CFDP1: variants seen among roughly 807,000 people sequenced by gnomAD.
CFDP1 encodes heterochromatin-stabilizing protein CFDP1.
A neutral mutation model predicts 40.1 loss-of-function variants in CFDP1; 31 were observed. The observed-to-expected ratio is 0.77, with a 90% CI of 0.58 to 1.04. The LOEUF (loss-of-function observed/expected upper bound fraction) is 1.04. CFDP1 is among the 50% of genes least tolerant of loss of function. The probability of loss-of-function intolerance (pLI) is 0.00; values close to 1 mark genes in which losing one functional copy is unlikely to be tolerated. For missense variants in CFDP1, 423 were observed against 343.4 expected (o/e 1.23, Z -1.83); for synonymous variants, 167 against 120.0 (o/e 1.39, Z -2.56).
At chr16:75,403,341 C>A (rs1453536099) in intron 4 of CFDP1, among the ~76,000 whole-genome samples, 1 of 152,164 alleles carries the variant, frequency 6.6e-6, no homozygotes, top group Admixed American at 6.6e-5. Context: ...ACTTCAGCCT[C>A]CTGAGTAGCT....
intron 4 of CFDP1, among the ~76,000 whole-genome samples, chr16:75,409,920 C>A (rs1017887862): frequency 3.3e-5 from 5 of 151,712 alleles, no homozygotes; most frequent in African/African-American, 7.3e-5. Flanking sequence ...TTGTTCCATA[C>A]CATTTGTAAA....
intron 1 of CFDP1, among the ~76,000 whole-genome samples, chr16:75,428,157 A>G (rs12930452): frequency 0.52 from 77,407 of 149,738 alleles, 21,015 homozygotes; most frequent in Admixed American, 0.64. Context: ...AAGAGGGTTG[A>G]CGGCTTGAAA....
At chr16:75,426,739 G>A (rs1054486595) in intron 1 of CFDP1, among the ~76,000 whole-genome samples, 1 of 152,072 alleles carries the variant, frequency 6.6e-6, no homozygotes, top group East Asian at 1.9e-4. Flanking sequence ...CAAGCACAGA[G>A]ACAAAACACT....
chr16:75,423,174 G>C (rs961632861), intron 1 of CFDP1, among the ~76,000 whole-genome samples: 1 of 151,310 alleles, frequency 6.6e-6, no homozygotes, highest in Admixed American at 6.6e-5. Flanking sequence ...CCAGCTACTC[G>C]GGAGGCTGAG....
chr16:75,389,100 T>C (rs562286644), intron 5 of CFDP1, among the ~76,000 whole-genome samples: 1 of 152,326 alleles, frequency 6.6e-6, no homozygotes, highest in Admixed American at 6.5e-5. Flanking sequence ...CAAATTTTAA[T>C]GACACTAATG....
intron 4 of CFDP1, among the ~76,000 whole-genome samples, chr16:75,403,034 GTT>G (rs369896822): frequency 4.6e-5 from 7 of 152,120 alleles, no homozygotes; most frequent in African/African-American, 1.7e-4. Flanking sequence ...TCATTTCTTT[GTT>G]TTGTTTTTTA....
intron 5 of CFDP1, among the ~76,000 whole-genome samples, chr16:75,382,637 G>C (rs144279456): frequency 1.6e-4 from 25 of 152,316 alleles, no homozygotes; most frequent in East Asian, 7.7e-4. Flanking sequence ...ACAGAAACAT[G>C]GCTGAAAAGC....
chr16:75,366,946 G>A (rs1263859569), intron 5 of CFDP1, among the ~76,000 whole-genome samples: 2 of 151,618 alleles, frequency 1.3e-5, no homozygotes, highest in African/African-American at 2.4e-5. Context: ...GGTGGATCAC[G>A]TGAGGTCAGG....
intron 5 of CFDP1, among the ~76,000 whole-genome samples, chr16:75,364,668 AT>A (rs1429301539): frequency 6.6e-6 from 1 of 152,188 alleles, no homozygotes; most frequent in Admixed American, 6.5e-5. Context: ...TTCTCACAAC[AT>A]TTTTTTGTAT....
intron 1 of CFDP1, among the ~76,000 whole-genome samples, chr16:75,415,619 T>C (rs1196429792): frequency 1.3e-5 from 2 of 152,236 alleles, no homozygotes; most frequent in Non-Finnish European, 2.9e-5. Flanking sequence ...AAGCCTGCAG[T>C]GTGTACTCTT....
At chr16:75,371,838 G>T (rs1001925706) in intron 5 of CFDP1, among the ~76,000 whole-genome samples, 1 of 152,146 alleles carries the variant, frequency 6.6e-6, no homozygotes, top group Admixed American at 6.6e-5. Flanking sequence ...TCATTTATTT[G>T]TTAAGTCTAC....
chr16:75,296,658 C>T (rs2078184523), intron 6 of CFDP1, among the ~76,000 whole-genome samples: 1 of 152,180 alleles, frequency 6.6e-6, no homozygotes, highest in South Asian at 2.1e-4. Context: ...AAGAGTGAAG[C>T]CCAGGTTGGG....
At chr16:75,362,792 T>A (rs2078688290) in intron 5 of CFDP1, 1 of 152,234 alleles carries the variant, frequency 6.6e-6, no homozygotes, top group Non-Finnish European at 1.5e-5. Context: ...AGTGTTGTTT[T>A]ATACAGAACA....
At chr16:75,383,774 G>A (rs933557508) in intron 5 of CFDP1, among the ~76,000 whole-genome samples, 11 of 147,842 alleles carry the variant, frequency 7.4e-5, no homozygotes, top group South Asian at 2.1e-4. Context: ...AGCCGAGATC[G>A]TGCCACTGCA....
At chr16:75,412,980 T>A (rs1255358703) in intron 2 of CFDP1, among the ~76,000 whole-genome samples, 1 of 150,368 alleles carries the variant, frequency 6.7e-6, no homozygotes, top group Non-Finnish European at 1.5e-5. Flanking sequence ...TTTTCTCCAA[T>A]CACTTAAAAT....
chr16:75,433,322 T>C lies in CFDP1; in HGVS notation c.31A>G (p.Thr11Ala). Residue 11 changes from threonine to alanine, a missense_variant, in exon 1 of 7, where the codon ACG (threonine) becomes GCG (alanine). Coordinates refer to ENST00000283882, the MANE Select transcript of CFDP1 (RefSeq NM_006324.3). MEEFDSEDFSTSEEDEDYVPS... is the reference protein window; with the variant it reads MEEFDSEDFSASEEDEDYVPS... Reference sequence around the variant, plus strand: ...ACGTAGTCCTCGTCCTCCTCCGACGTAGAGAAGTCTTCGGAGTCGAATTCC... The same window carrying C: ...ACGTAGTCCTCGTCCTCCTCCGACGCAGAGAAGTCTTCGGAGTCGAATTCC... The C allele has an allele frequency of 1.2e-6, 2 of 1,602,102 alleles. No individual in the cohort carries two copies. The highest frequency in any genetic ancestry group is 1.7e-6 in the Non-Finnish European group (2 of 1,175,152).
At chr16:75,407,654 CAA>C (rs11456525) in intron 4 of CFDP1, among the ~76,000 whole-genome samples, 3,080 of 116,728 alleles carry the variant, frequency 0.026, 44 homozygotes, top group Non-Finnish European at 0.039. Flanking sequence ...GACCCTGTCT[CAA>C]AAAAAAAAAA....
chr16:75,416,754 AT>A (rs2079210840), intron 1 of CFDP1, among the ~76,000 whole-genome samples: 1 of 152,222 alleles, frequency 6.6e-6, no homozygotes, highest in Non-Finnish European at 1.5e-5. Context: ...TCTCAAAAAA[AT>A]AAATACATAA....
chr16:75,359,192 GCTATT>G (rs2078665746), intron 5 of CFDP1, among the ~76,000 whole-genome samples: 1 of 152,062 alleles, frequency 6.6e-6, no homozygotes, highest in Non-Finnish European at 1.5e-5. Context: ...ACAAAATCAT[GCTATT>G]CTAAATTTTA....
Sources: allele counts gnomAD v4.1 joint callset (sites outside exome capture counted in the v4.1 genomes callset), GRCh38; gene constraint gnomAD v4.1.1; transcripts MANE v1.5; gene names NCBI Gene and HGNC (gene_info 2026-07-23, HGNC 2026-07-21).